MSANTD3: variants seen among roughly 807,000 people sequenced by gnomAD.
The protein encoded by MSANTD3 is myb/SANT-like DNA-binding domain-containing protein 3.
Under a neutral mutation model 27.7 loss-of-function variants are expected in MSANTD3, and 11 were observed. That is an observed-to-expected ratio of 0.40 (90% CI 0.25 to 0.66). The LOEUF (loss-of-function observed/expected upper bound fraction) is 0.66. Ranked by LOEUF, MSANTD3 falls within the 30% of genes least tolerant of loss-of-function variation. The probability of loss-of-function intolerance (pLI) is 0.41; values close to 1 mark genes in which losing one functional copy is unlikely to be tolerated. For missense variants in MSANTD3, 250 were observed against 336.5 expected, an observed-to-expected ratio of 0.74 and a Z score of 2.01; for synonymous variants, 131 against 127.2, an observed-to-expected ratio of 1.03 and a Z score of -0.20.
In MSANTD3 at chr9:100,451,020, A is replaced by G. The variant is rs1370809621; in HGVS notation, c.*54A>G. The G allele has an allele frequency of 4.6e-6, 7 of 1,510,278 alleles. No homozygotes were observed. In the Admixed American group the frequency reaches 1.1e-4, roughly 24 times the overall value. The allele number at this position is 1,510,278 out of a possible 1,614,324, so 93.6% of individuals were successfully genotyped here. ...ATCTGTGTTGGCAAAGAATGTCTGG[A>G]ACATGGACTTGGCGGTCAGTAACCT... On this transcript the variant is annotated 3_prime_UTR_variant, in exon 3 of 3. Transcript: ENST00000395067.
At chr9:100,433,676 A>G (rs1421887636) in intron 1 of MSANTD3, among the ~76,000 whole-genome samples, 1 of 152,198 alleles carries the variant, frequency 6.6e-6, no homozygotes, top group Non-Finnish European at 1.5e-5. Flanking sequence ...CACCTGGCCA[A>G]GGTCCTTTGT....
chr9:100,447,764 T>C (rs1836788855), intron 2 of MSANTD3, among the ~76,000 whole-genome samples: 2 of 152,224 alleles, frequency 1.3e-5, no homozygotes, highest in Non-Finnish European at 2.9e-5. Context: ...TTAGATGAGG[T>C]AATGCTATAA....
intron 1 of MSANTD3, among the ~76,000 whole-genome samples, chr9:100,435,550 G>A (rs1051421698): frequency 1.3e-5 from 2 of 152,220 alleles, no homozygotes; most frequent in South Asian, 4.1e-4. Flanking sequence ...TGAAACAACA[G>A]AAATTGGATT....
At chr9:100,434,181 T>A (rs1235148140) in intron 1 of MSANTD3, among the ~76,000 whole-genome samples, 1 of 152,182 alleles carries the variant, frequency 6.6e-6, no homozygotes, top group African/African-American at 2.4e-5. Flanking sequence ...TTTCTGTTGA[T>A]CCCCTACCCT....
At chr9:100,435,420 A>G (rs1265321003) in intron 1 of MSANTD3, among the ~76,000 whole-genome samples, 1 of 152,208 alleles carries the variant, frequency 6.6e-6, no homozygotes, top group African/African-American at 2.4e-5. Flanking sequence ...AATCTTGACA[A>G]GTTTCTCTGT....
At chr9:100,449,953 TC>T (rs1836845524) in intron 2 of MSANTD3, among the ~76,000 whole-genome samples, 1 of 152,078 alleles carries the variant, frequency 6.6e-6, no homozygotes. Context: ...CATTGAAAAC[TC>T]CCCAAATGGC....
Position 100,428,785 on chromosome 9 carries a change from A to G in MSANTD3, c.-34+1392A>G, listed in dbSNP as rs116525137. Among the ~76,000 whole-genome samples the G allele has an allele frequency of 4.9e-3, 742 of 152,340 alleles. 6 individuals carry two copies. Among genetic ancestry groups the G allele is most frequent in the South Asian group, 0.018 (89 of 4,830 alleles). On this transcript the variant is annotated intron_variant, in intron 1 of 2. Coordinates refer to ENST00000395067, the MANE Select transcript of MSANTD3 (RefSeq NM_080655.3). ...CCTAATGGTTGATGAGATGCTTAAA[A>G]TACAAAGGTCTCACTGATATAATGG...
At chr9:100,443,399 CA>C (rs376952309) in intron 2 of MSANTD3, among the ~76,000 whole-genome samples, 21,859 of 117,416 alleles carry the variant, frequency 0.19, 1,844 homozygotes, top group Middle Eastern at 0.25. Flanking sequence ...AACTCCATCT[CA>C]AAAAAAAAAA....
At chr9:100,444,997 G>C in intron 2 of MSANTD3, 2 of 542,676 alleles carry the variant, frequency 3.7e-6, no homozygotes, top group Non-Finnish European at 3.3e-6. Flanking sequence ...ATAGCCAAAT[G>C]CTCCTTGCTC....
intron 2 of MSANTD3, among the ~76,000 whole-genome samples, chr9:100,449,839 A>G (rs1197700855): frequency 6.6e-6 from 1 of 152,148 alleles, no homozygotes; most frequent in Non-Finnish European, 1.5e-5. Context: ...GAGCAATCAG[A>G]GGGGAAGGCA....
In MSANTD3 at chr9:100,450,730, G is replaced by A. The variant is rs769914188; in HGVS notation, c.592G>A (p.Glu198Lys). Reference protein sequence around the residue: ...SQEGALKKMHEEEHHQQMSIL... With the variant: ...SQEGALKKMHKEEHHQQMSIL... ...GGAAGGTGCTTTAAAAAAGATGCAT[G>A]AGGAAGAACACCATCAACAAATGTC... The change falls in exon 3 of 3, where the codon GAG becomes AAG. Residue 198 changes from glutamate (E) to lysine (K), a missense_variant. Transcript: ENST00000395067. 4.3e-6 allele frequency: 7 copies of A among 1,614,012 alleles called. No individual in the cohort carries two copies. The Admixed American group carries it at 1.0e-4, about 23-fold the overall frequency.
intron 1 of MSANTD3, among the ~76,000 whole-genome samples, chr9:100,434,508 C>T (rs139223375): frequency 3.2e-4 from 49 of 152,154 alleles, no homozygotes; most frequent in African/African-American, 1.1e-3. Flanking sequence ...CCAGCCTGGG[C>T]GACAGAGCTA....
At chr9:100,432,898 A>T (rs1836405305) in intron 1 of MSANTD3, among the ~76,000 whole-genome samples, 1 of 152,240 alleles carries the variant, frequency 6.6e-6, no homozygotes, top group South Asian at 2.1e-4. Flanking sequence ...GGCAGTGCTA[A>T]CATGGATGAC....
chr9:100,445,269 A>G, intron 2 of MSANTD3: 1 of 1,210,230 alleles, frequency 8.3e-7, no homozygotes, highest in Non-Finnish European at 1.2e-6. Flanking sequence ...TATGGCCCTC[A>G]TTACATCTTG....
At chr9:100,436,457 A>C (rs1172655037) in intron 1 of MSANTD3, among the ~76,000 whole-genome samples, 1 of 152,218 alleles carries the variant, frequency 6.6e-6, no homozygotes, top group Non-Finnish European at 1.5e-5. Flanking sequence ...GTTGCCCTAC[A>C]ACCATGCATA....
intron 2 of MSANTD3, chr9:100,449,318 G>T (rs997758412): frequency 2.2e-6 from 2 of 916,988 alleles, no homozygotes; most frequent in Admixed American, 1.2e-4. Context: ...TATATTCAAG[G>T]GTTCAGCCAA....
At chr9:100,433,251 G>A (rs1836410585) in intron 1 of MSANTD3, among the ~76,000 whole-genome samples, 1 of 152,140 alleles carries the variant, frequency 6.6e-6, no homozygotes, top group Non-Finnish European at 1.5e-5. Context: ...ATTAGATTGA[G>A]GTCCTTCTTT....
intron 1 of MSANTD3, among the ~76,000 whole-genome samples, chr9:100,431,300 C>G (rs1235914481): frequency 1.4e-5 from 2 of 138,044 alleles, no homozygotes; most frequent in East Asian, 2.0e-4. Context: ...CCATGCCTAG[C>G]CTTTTTTTTT....
chr9:100,445,093 C>T, intron 2 of MSANTD3: 5 of 827,282 alleles, frequency 6.0e-6, no homozygotes, highest in Non-Finnish European at 8.2e-6. Context: ...TCTGTTAATA[C>T]TAGTAGGTAG....
Sources: gnomAD v4.1 joint callset for allele counts (sites outside exome capture counted in the v4.1 genomes callset) on GRCh38, gnomAD v4.1.1 for gene constraint, MANE v1.5 for transcripts, NCBI Gene and HGNC (gene_info 2026-07-23, HGNC 2026-07-21) for gene names.